Variants in ERLIN2 observed in about 807,000 individuals in gnomAD.
ERLIN2 encodes the protein erlin-2.
Under a neutral mutation model 41.5 loss-of-function variants are expected in ERLIN2, and 22 were observed. The observed-to-expected ratio is 0.53, with a 90% confidence interval of 0.38 to 0.76. ERLIN2 has a LOEUF of 0.76. ERLIN2 is among the 30% of genes least tolerant of loss of function. ERLIN2 has a pLI of 0.00. For synonymous variants in ERLIN2, 149 were observed against 150.9 expected, an observed-to-expected ratio of 0.99 and a Z score of 0.09; for missense variants, 247 against 414.3, an observed-to-expected ratio of 0.60 and a Z score of 3.51.
chr8:37,746,629 CTGCCCGACTAGA>C (rs1046066436), intron 6 of ERLIN2: 62 of 676,206 alleles, frequency 9.2e-5, no homozygotes, highest in Non-Finnish European at 1.1e-4. Context: ...GCAATACTAG[CTGCCCGACTAGA>C]GGGCAGCTCC....
At position 37,756,639 on chromosome 8, in the gene ERLIN2, A is replaced by G. The variant is rs1028303399; in HGVS notation, c.*2524A>G. ...TCTTATCTGTCTAAATAGCAAAATC[A>G]TGAAAATCAGCTGTTTTATTTGCAT... On this transcript the variant is annotated 3_prime_UTR_variant, in exon 12 of 12. Coordinates refer to ENST00000519638, the MANE Select transcript of ERLIN2 (RefSeq NM_007175.8). 1.3e-5 allele frequency: 2 copies of G among 152,660 alleles called. No homozygotes were observed. Among genetic ancestry groups the G allele is most frequent in the African/African-American group, 4.8e-5 (2 of 41,468 alleles). The allele number at this position is 152,660 out of a possible 1,614,324, so 9.5% of individuals were successfully genotyped here. A position where few individuals can be genotyped will look rare whatever the true frequency, so the allele number is the denominator to read the frequency against.
chr8:37,745,495 C>T (rs1803011228), intron 6 of ERLIN2: 5 of 1,448,726 alleles, frequency 3.5e-6, no homozygotes, highest in Non-Finnish European at 4.8e-6. Flanking sequence ...AAACTCACTG[C>T]CAGAAATTCT....
In ERLIN2 at chr8:37,755,278, G is replaced by C. The variant is rs1026680330; in HGVS notation, c.*1163G>C. The C allele has an allele frequency of 6.6e-6, 1 of 152,262 alleles. No homozygotes were observed. Among genetic ancestry groups the C allele is most frequent in the African/African-American group, 2.4e-5 (1 of 41,464 alleles). The allele number at this position is 152,262 out of a possible 1,614,324, so 9.4% of individuals were successfully genotyped here. ...CATGCCCAAGTCCCCAGGTTGGAATGGCTGTGCCAAAATCCATTCAAAGGG... is the reference window on the plus strand; with the variant it reads ...CATGCCCAAGTCCCCAGGTTGGAATCGCTGTGCCAAAATCCATTCAAAGGG... On this transcript the variant is annotated 3_prime_UTR_variant, in exon 12 of 12. Transcript: ENST00000519638.
chr8:37,747,899 G>A lies in ERLIN2; in HGVS notation c.425-1660G>A, dbSNP rs545968001. The stretch of plus-strand genomic sequence containing the variant: ...TGACAGTCCAGCACTAGGACCACCT[G>A]GCCGCACAAACAGTAGTACACATGG... On this transcript the variant is annotated intron_variant, in intron 6 of 11. Coordinates refer to ENST00000519638, the MANE Select transcript of ERLIN2 (RefSeq NM_007175.8). 4.3e-5 allele frequency: 69 copies of A among 1,614,058 alleles called. 1 individual carries two copies. In the African/African-American group the frequency reaches 7.5e-4, roughly 17 times the overall value.
chr8:37,752,579 C>T (rs564880736), intron 10 of ERLIN2, among the ~76,000 whole-genome samples: 4 of 152,212 alleles, frequency 2.6e-5, no homozygotes, highest in Non-Finnish European at 4.4e-5. Flanking sequence ...CCTGGCTGGA[C>T]TGCAGGTTCC....
intron 4 of ERLIN2, among the ~76,000 whole-genome samples, chr8:37,742,486 A>G (rs1317841077): frequency 1.5e-5 from 1 of 68,888 alleles, no homozygotes; most frequent in Non-Finnish European, 2.8e-5. Flanking sequence ...AAAAGGAACA[A>G]GATCATGTCC....
chr8:37,746,987 G>A (rs1204313837), intron 6 of ERLIN2, among the ~76,000 whole-genome samples: 1 of 152,170 alleles, frequency 6.6e-6, no homozygotes, highest in African/African-American at 2.4e-5. Context: ...CTTGAAACAT[G>A]TTATTAACTT....
At chr8:37,745,519 C>A in intron 6 of ERLIN2, 1 of 1,591,814 alleles carries the variant, frequency 6.3e-7, no homozygotes, top group Non-Finnish European at 8.6e-7. Flanking sequence ...ATAGCCAATG[C>A]CAAAAGTAAA....
intron 2 of ERLIN2, 91 bp from the exon 3 acceptor site, chr8:37,740,274 G>T: frequency 1.2e-6 from 1 of 846,724 alleles, no homozygotes; most frequent in Non-Finnish European, 2.0e-6. Flanking sequence ...TATGTTTATA[G>T]GGCTGAAGGG....
At chr8:37,736,838 C>T in intron 1 of ERLIN2, 160 bp downstream of exon 1, 1 of 985,950 alleles carries the variant, frequency 1.0e-6, no homozygotes, top group Non-Finnish European at 1.2e-6. Flanking sequence ...GCGTCCTCTC[C>T]TTGCGAGCCG....
intron 10 of ERLIN2, among the ~76,000 whole-genome samples, chr8:37,752,396 T>C (rs1228839862): frequency 6.6e-6 from 1 of 152,202 alleles, no homozygotes; most frequent in Non-Finnish European, 1.5e-5. Flanking sequence ...CTAATTATAC[T>C]CATTATTGGG....
intron 6 of ERLIN2, chr8:37,745,128 G>A (rs1224986384): frequency 5.8e-6 from 3 of 515,742 alleles, no homozygotes; most frequent in African/African-American, 1.9e-5. Flanking sequence ...AATTAGTAGT[G>A]GGGCTGAAAC....
At position 37,753,482 on chromosome 8, in the gene ERLIN2, G is replaced by T. The variant is rs368687557; in HGVS notation, c.772G>T (p.Ala258Ser). ...AAFLAREKAK[A>S]DAECYTAMKI... ...ATTTCTGGCCCGGGAGAAGGCAAAGGCAGATGCTGAGTGCTACACTGCTAT... is the reference window on the plus strand; with the variant it reads ...ATTTCTGGCCCGGGAGAAGGCAAAGTCAGATGCTGAGTGCTACACTGCTAT... Residue 258 changes from alanine (A) to serine (S), a missense_variant, in exon 11 of 12, where the codon GCA (alanine) becomes TCA (serine). Around this residue, in one of 3 missense-constraint regions of ERLIN2, gnomAD observed 153 missense variants for 256.4 expected, o/e 0.60. Transcript: ENST00000519638. 2.8e-5 allele frequency: 45 copies of T among 1,614,014 alleles called. No homozygotes were observed. The highest frequency in any genetic ancestry group is 3.7e-5 in the Non-Finnish European group (44 of 1,180,016).
chr8:37,750,349 C>A, intron 8 of ERLIN2, 46 bp from the exon 9 acceptor site: 1 of 1,449,880 alleles, frequency 6.9e-7, no homozygotes, highest in Non-Finnish European at 9.7e-7. Flanking sequence ...GATAGTGAAG[C>A]TCCTGAGTTT....
rs1413506732 is a variant in ERLIN2, at chr8:37,758,404, T to A, written c.*4289T>A. ...TCAGTTTCTTCATTAATAAAATGAG[T>A]TGCATGGCTTATATGAAATAATGCA... On this transcript the variant is annotated 3_prime_UTR_variant, in exon 12 of 12. Coordinates refer to ENST00000519638, the MANE Select transcript of ERLIN2 (RefSeq NM_007175.8). 4 of 152,180 alleles carry A rather than the reference T, an allele frequency of 2.6e-5. No individual in the cohort carries two copies. Among genetic ancestry groups the A allele is most frequent in the Non-Finnish European group, 4.4e-5 (3 of 68,036 alleles). The allele number at this position is 152,180 out of a possible 1,614,324, so 9.4% of individuals were successfully genotyped here. A position where few individuals can be genotyped will look rare whatever the true frequency, so the allele number is the denominator to read the frequency against.
At chr8:37,748,591 C>T (rs1053643475) in intron 6 of ERLIN2, among the ~76,000 whole-genome samples, 4 of 152,182 alleles carry the variant, frequency 2.6e-5, no homozygotes, top group Non-Finnish European at 5.9e-5. Flanking sequence ...AGTGAAAGAG[C>T]GGAGACTTTC....
At chr8:37,749,464 T>G in intron 6 of ERLIN2, 95 bp from the exon 7 acceptor site, 41 of 850,614 alleles carry the variant, frequency 4.8e-5, no homozygotes, top group Non-Finnish European at 7.5e-5. Context: ...AGTACATTCT[T>G]GAGCTGGTGA....
At chr8:37,747,015 C>A (rs936234228) in intron 6 of ERLIN2, among the ~76,000 whole-genome samples, 3 of 152,128 alleles carry the variant, frequency 2.0e-5, no homozygotes, top group African/African-American at 7.2e-5. Context: ...AGAATAAAAC[C>A]AGCCACTTTA....
Position 37,745,801 on chromosome 8 carries a change from C to T in ERLIN2, c.424+1105C>T, listed in dbSNP as rs115340343. The T allele has an allele frequency of 1.0e-3, 1,429 of 1,383,090 alleles. 13 individuals carry two copies. In the African/African-American group the frequency reaches 0.019, roughly 18 times the overall value. 85.7% of individuals were successfully genotyped at this position (1,383,090 alleles called of 1,614,324 possible). On this transcript the variant is annotated intron_variant, in intron 6 of 11. Transcript: ENST00000519638. ...TGTAGTCTTTTATCTGTTTTGGATT[C>T]ACTGTGCTTTTAAGAAAAAGTTGGT...
Sources: gnomAD v4.1 joint callset for allele counts (sites outside exome capture counted in the v4.1 genomes callset) on GRCh38, gnomAD v4.1.1 for gene constraint, gnomAD v4.1.1 regional missense constraint, MANE v1.5 for transcripts, NCBI Gene and HGNC (gene_info 2026-07-23, HGNC 2026-07-21) for gene names.